Variants in OR2AG1 observed in about 807,000 individuals in gnomAD.
OR2AG1 encodes the protein olfactory receptor 2AG1.
For missense variants in OR2AG1, 391 were observed against 385.9 expected, an observed-to-expected ratio of 1.01 and a Z score of -0.11; for synonymous variants, 157 against 155.6, an observed-to-expected ratio of 1.01 and a Z score of -0.07.
rs1181031743 is a variant in OR2AG1, at chr11:6,791,474, T to G, written c.*5486T>G. ...GTGATATTCAAAAGAGCTGGCATAATTTTTTAGAGTTGCTAAGTATATAAA... is the reference window on the plus strand; with the variant it reads ...GTGATATTCAAAAGAGCTGGCATAAGTTTTTAGAGTTGCTAAGTATATAAA... On this transcript the variant is annotated 3_prime_UTR_variant, in exon 2 of 2. Coordinates refer to ENST00000641258, the MANE Select transcript of OR2AG1 (RefSeq NM_001004489.3). The G allele has an allele frequency of 6.6e-6, 1 of 152,228 alleles. No homozygotes were observed. Among genetic ancestry groups the G allele is most frequent in the Non-Finnish European group, 1.5e-5 (1 of 68,030 alleles). The allele number at this position is 152,228 out of a possible 1,614,324, so 9.4% of individuals were successfully genotyped here.
chr11:6,785,286 G>A lies in OR2AG1; in HGVS notation c.249G>A (p.Ala83=), dbSNP rs144825471. The A allele has an allele frequency of 1.4e-5, 22 of 1,613,976 alleles. No homozygotes were observed. The highest frequency in any genetic ancestry group is 5.0e-5 in the Admixed American group (3 of 60,000). The change falls in exon 2 of 2, where the codon GCG becomes GCA. Residue 83 remains alanine, a synonymous_variant. Transcript: ENST00000641258. ...CTGTTGTCACTCCCAAGGCCCTTGC[G>A]GACTTTCTGCGCAGAGAAAACACCA... ...FTSVVTPKAL[A]DFLRRENTIS... is the part of the protein sequence containing the mutation.
Position 6,785,987 on chromosome 11 carries a change from A to C in OR2AG1, c.950A>C (p.Ter317SerextTer13), listed in dbSNP as rs370886420. Residue 317 changes from the stop codon to serine (S), a stop_lost, in exon 2 of 2, where the codon TAG becomes TCG. Coordinates refer to ENST00000641258, the MANE Select transcript of OR2AG1 (RefSeq NM_001004489.3). ...ATGCTGCCAGCACACTCCACGCTCT[A>C]GGGAAGGATCATGGCTAGCTTCCAG... ...KYMLPAHSTL[*>S] The C allele has an allele frequency of 2.2e-5, 35 of 1,602,706 alleles. No individual in the cohort carries two copies. The East Asian group carries it at 4.9e-4, about 23-fold the overall frequency.
rs769650138 is a variant in OR2AG1 at position 6,785,063 on chromosome 11, G to T, written c.26G>T (p.Gly9Val). 1 of 1,611,190 alleles carries T rather than the reference G, an allele frequency of 6.2e-7. No individual in the cohort carries two copies. The highest frequency in any genetic ancestry group is 1.7e-5 in the Admixed American group (1 of 59,894). The change falls in exon 2 of 2, where the codon GGA becomes GTA. Residue 9 changes from glycine to valine, a missense_variant. By Grantham distance (109) the Gly-to-Val change is moderately radical. Transcript: ENST00000641258. MELWNFTL[G>V]SGFILVGILN... ...ATGGAGCTCTGGAACTTCACCTTGG[G>T]AAGTGGCTTCATTTTGGTGGGGATT...
Position 6,790,442 on chromosome 11 carries a change from A to T in OR2AG1, c.*4454A>T, listed in dbSNP as rs868064979. 1 of 152,220 alleles carries T rather than the reference A, an allele frequency of 6.6e-6. No homozygotes were observed. Among genetic ancestry groups the T allele is most frequent in the Non-Finnish European group, 1.5e-5 (1 of 68,038 alleles). The allele number at this position is 152,220 out of a possible 1,614,324, so 9.4% of individuals were successfully genotyped here. ...AGAGGGTAAGTATGTAAGGTGATTG[A>T]TATGTTGCTCTGTTAATTAGCTTGC... On this transcript the variant is annotated 3_prime_UTR_variant, in exon 2 of 2. Coordinates refer to ENST00000641258, the MANE Select transcript of OR2AG1 (RefSeq NM_001004489.3).
At position 6,783,119 on chromosome 11, in the gene OR2AG1, C is replaced by T. The variant is rs1220482850; in HGVS notation, c.-373C>T. 1 of 152,226 alleles carries T rather than the reference C, an allele frequency of 6.6e-6. No individual in the cohort carries two copies. Among genetic ancestry groups the T allele is most frequent in the Non-Finnish European group, 1.5e-5 (1 of 68,058 alleles). The allele number at this position is 152,226 out of a possible 1,614,324, so 9.4% of individuals were successfully genotyped here. Reference sequence around the variant, plus strand: ...TGCTCTAGGGCTAGAGGGGCTCTCTCCCTGGCAACCTGTATGAAAGTAGTT... The same window carrying T: ...TGCTCTAGGGCTAGAGGGGCTCTCTTCCTGGCAACCTGTATGAAAGTAGTT... On this transcript the variant is annotated 5_prime_UTR_variant, in exon 1 of 2. Transcript: ENST00000641258.
chr11:6,791,060 G>A lies in OR2AG1; in HGVS notation c.*5072G>A, dbSNP rs1382160231. On this transcript the variant is annotated 3_prime_UTR_variant, in exon 2 of 2. Coordinates refer to ENST00000641258, the MANE Select transcript of OR2AG1 (RefSeq NM_001004489.3). ...TTGCAAGAACAAAGGCCAAGGAGAT[G>A]CACTTGTGTCTTGGTGAGTAGCCAA... The A allele has an allele frequency of 1.3e-5, 2 of 152,202 alleles. No individual in the cohort carries two copies. Among genetic ancestry groups the A allele is most frequent in the Non-Finnish European group, 1.5e-5 (1 of 68,032 alleles). 9.4% of individuals were successfully genotyped at this position (152,202 alleles called of 1,614,324 possible). A position where few individuals can be genotyped will look rare whatever the true frequency, so the allele number is the denominator to read the frequency against.
At position 6,789,081 on chromosome 11, in the gene OR2AG1, T is replaced by A. The variant is rs1353973817; in HGVS notation, c.*3093T>A. On this transcript the variant is annotated 3_prime_UTR_variant, in exon 2 of 2. Transcript: ENST00000641258. ...CCCATTTTCTCCTCTGCTGATCTTC[T>A]ATTCGCATCTTAACACACTTTCAAT... is the stretch of plus-strand genomic sequence containing the variant. 6.6e-6 allele frequency: 1 copy of A among 151,992 alleles called. No individual in the cohort carries two copies. The highest frequency in any genetic ancestry group is 2.4e-5 in the African/African-American group (1 of 41,428). The allele number at this position is 151,992 out of a possible 1,614,324, so 9.4% of individuals were successfully genotyped here. A position where few individuals can be genotyped will look rare whatever the true frequency, so the allele number is the denominator to read the frequency against.
intron 1 of OR2AG1, 46 bp from the exon 2 acceptor site, chr11:6,784,972 A>C: frequency 2.0e-6 from 2 of 990,584 alleles, no homozygotes; most frequent in Non-Finnish European, 3.1e-6. Flanking sequence ...TTTCAAAACT[A>C]GAGTTCATCT....
In OR2AG1 at chr11:6,787,421, A is replaced by G. The variant is rs1156909032; in HGVS notation, c.*1433A>G. ...GTTTGCAAAGTGTAAGTTGACATTA[A>G]CAATAAGACCTACTTTGTAGTGTTG... On this transcript the variant is annotated 3_prime_UTR_variant, in exon 2 of 2. Coordinates refer to ENST00000641258, the MANE Select transcript of OR2AG1 (RefSeq NM_001004489.3). 8 of 152,286 alleles carry G rather than the reference A, an allele frequency of 5.3e-5. No individual in the cohort carries two copies. The highest frequency in any genetic ancestry group is 1.9e-4 in the African/African-American group (8 of 41,564). The allele number at this position is 152,286 out of a possible 1,614,324, so 9.4% of individuals were successfully genotyped here. A position where few individuals can be genotyped will look rare whatever the true frequency, so the allele number is the denominator to read the frequency against.
Position 6,787,923 on chromosome 11 carries a change from T to C in OR2AG1, c.*1935T>C, listed in dbSNP as rs146573704. The C allele has an allele frequency of 3.2e-3, 490 of 152,314 alleles. 4 individuals are homozygous for C. The highest frequency in any genetic ancestry group is 0.011 in the African/African-American group (464 of 41,582). 9.4% of individuals were successfully genotyped at this position (152,314 alleles called of 1,614,324 possible). On this transcript the variant is annotated 3_prime_UTR_variant, in exon 2 of 2. Transcript: ENST00000641258. Reference sequence around the variant, plus strand: ...ACTACATATTTTTTCATGTTAAATTTTACATATAAGTAGTCTTCACTAATT... The same window carrying C: ...ACTACATATTTTTTCATGTTAAATTCTACATATAAGTAGTCTTCACTAATT...
chr11:6,785,460 C>A lies in OR2AG1; in HGVS notation c.423C>A (p.Cys141Ter). The change falls in exon 2 of 2, where the codon TGC (cysteine) becomes TGA (stop). Residue 141 changes from cysteine to a stop codon, truncating the protein, a stop_gained. Transcript: ENST00000641258. LOFTEE classifies it low-confidence loss of function (END_TRUNC). ...TYMTLMSSRA[C>*]WLMVATSWIL... is the part of the protein sequence containing the mutation. The stretch of plus-strand genomic sequence containing the variant: ...TGACCCTCATGAGCTCAAGAGCCTG[C>A]TGGCTCATGGTGGCCACGTCCTGGA... 1 of 1,614,152 alleles carries A rather than the reference C, an allele frequency of 6.2e-7. No homozygotes were observed. The highest frequency in any genetic ancestry group is 1.1e-5 in the South Asian group (1 of 91,084).
Position 6,787,567 on chromosome 11 carries a change from AC to A in OR2AG1, c.*1580del, listed in dbSNP as rs1307999795. 2 of 152,090 alleles carry A rather than the reference AC, an allele frequency of 1.3e-5. No individual in the cohort carries two copies. Among genetic ancestry groups the A allele is most frequent in the African/African-American group, 2.4e-5 (1 of 41,440 alleles). 9.4% of individuals were successfully genotyped at this position (152,090 alleles called of 1,614,324 possible). On this transcript the variant is annotated 3_prime_UTR_variant, in exon 2 of 2. Coordinates refer to ENST00000641258, the MANE Select transcript of OR2AG1 (RefSeq NM_001004489.3). Reference sequence around the variant, plus strand: ...CTACAGAATAAATGGCCCTGAAAATACTGTTGAGTGATGGTATAATGTTACA... The same window carrying A: ...CTACAGAATAAATGGCCCTGAAAATATGTTGAGTGATGGTATAATGTTACA...
intron 1 of OR2AG1, among the ~76,000 whole-genome samples, chr11:6,784,172 T>C (rs1332890999): frequency 3.3e-5 from 5 of 152,246 alleles, no homozygotes; most frequent in African/African-American, 1.2e-4. Flanking sequence ...AGAGTGAACA[T>C]CTGGTCAAAG....
Position 6,785,635 on chromosome 11 carries a change from T to C in OR2AG1, c.598T>C (p.Tyr200His), listed in dbSNP as rs1195137301. The C allele has an allele frequency of 4.3e-6, 7 of 1,614,118 alleles. No individual in the cohort carries two copies. The highest frequency in any genetic ancestry group is 5.9e-6 in the Non-Finnish European group (7 of 1,179,986). The change falls in exon 2 of 2, where the codon TAT becomes CAT. Residue 200 changes from tyrosine (Y) to histidine (H), a missense_variant. By Grantham distance (83) the Tyr-to-His change is moderately conservative (BLOSUM62 2). Coordinates refer to ENST00000641258, the MANE Select transcript of OR2AG1 (RefSeq NM_001004489.3). The part of the protein sequence containing the change: ...ADTSRYELMV[Y>H]VMGVTFLIPS... ...TACCTCCAGATATGAGCTCATGGTA[T>C]ATGTGATGGGTGTGACCTTCCTGAT...
At position 6,783,467 on chromosome 11, in the gene OR2AG1, C is replaced by T. The variant is rs1847593075; in HGVS notation, c.-25C>T. 1 of 152,194 alleles carries T rather than the reference C, an allele frequency of 6.6e-6. No individual in the cohort carries two copies. Among genetic ancestry groups the T allele is most frequent in the Admixed American group, 6.5e-5 (1 of 15,276 alleles). 9.4% of individuals were successfully genotyped at this position (152,194 alleles called of 1,614,324 possible). A position where few individuals can be genotyped will look rare whatever the true frequency, so the allele number is the denominator to read the frequency against. ...GTCGGACAGCTAAGCTTCTCACAAC[C>T]TGAGGTAAGGACTTTGTATTTATTT... On this transcript the variant is annotated 5_prime_UTR_variant, in exon 1 of 2. Transcript: ENST00000641258.
rs932709073 is a variant in OR2AG1, at chr11:6,786,080, T to C, written c.*92T>C. 2 of 957,896 alleles carry C rather than the reference T, an allele frequency of 2.1e-6. No homozygotes were observed. Among genetic ancestry groups the C allele is most frequent in the Non-Finnish European group, 3.1e-6 (2 of 636,652 alleles). The allele number at this position is 957,896 out of a possible 1,614,324, so 59.3% of individuals were successfully genotyped here. On this transcript the variant is annotated 3_prime_UTR_variant, in exon 2 of 2. Coordinates refer to ENST00000641258, the MANE Select transcript of OR2AG1 (RefSeq NM_001004489.3). The stretch of plus-strand genomic sequence containing the variant: ...AATACTAATGGTAAAACCAATACAG[T>C]GCAGAGTATAGCATTTAATAGAAAA...
rs75829334 is a variant in OR2AG1 at position 6,784,951 on chromosome 11, A to T, written c.-20-67A>T. 3.3e-3 allele frequency: 2,609 copies of T among 792,938 alleles called. 46 individuals are homozygous for T. The African/African-American group carries it at 0.04, about 12-fold the overall frequency. 49.1% of individuals were successfully genotyped at this position (792,938 alleles called of 1,614,324 possible). ...ATCTCAGTGGATTCATGTCCTAAGA[A>T]GCCTCTGATATTTCAAAACTAGAGT... On this transcript the variant is annotated intron_variant, in intron 1 of 1. Transcript: ENST00000641258.
rs775795248 is a variant in OR2AG1 at position 6,785,116 on chromosome 11, C to T, written c.79C>T (p.Leu27Phe). ...GAATGACAGTGGGTCTCCTGAACTG[C>T]TCTGTGCTACAATTACAATCCTATA... is the stretch of plus-strand genomic sequence containing the variant. ...ILNDSGSPELLCATITILYLL... is the reference protein window; with the variant it reads ...ILNDSGSPELFCATITILYLL... Residue 27 changes from leucine to phenylalanine, a missense_variant, in exon 2 of 2, where the codon CTC becomes TTC. Leu to Phe is a conservative substitution (Grantham distance 22). Coordinates refer to ENST00000641258, the MANE Select transcript of OR2AG1 (RefSeq NM_001004489.3). The T allele has an allele frequency of 2.5e-6, 4 of 1,614,126 alleles. No homozygotes were observed. Among genetic ancestry groups the T allele is most frequent in the Middle Eastern group, 1.7e-4 (1 of 6,060 alleles).
Position 6,785,080 on chromosome 11 carries a change from G to C in OR2AG1, c.43G>C (p.Val15Leu), listed in dbSNP as rs1490045510. ...CACCTTGGGAAGTGGCTTCATTTTG[G>C]TGGGGATTCTGAATGACAGTGGGTC... The part of the protein sequence containing the change: ...NFTLGSGFIL[V>L]GILNDSGSPE... Residue 15 changes from valine to leucine, a missense_variant, in exon 2 of 2, where the codon GTG becomes CTG. Coordinates refer to ENST00000641258, the MANE Select transcript of OR2AG1 (RefSeq NM_001004489.3). 1 of 1,613,164 alleles carries C rather than the reference G, an allele frequency of 6.2e-7. No homozygotes were observed. The highest frequency in any genetic ancestry group is 8.5e-7 in the Non-Finnish European group (1 of 1,179,468).
Sources: allele counts gnomAD v4.1 joint callset (sites outside exome capture counted in the v4.1 genomes callset), GRCh38; gene constraint gnomAD v4.1.1; transcripts MANE v1.5; gene names NCBI Gene and HGNC (gene_info 2026-07-23, HGNC 2026-07-21).